The following ATP5F1C variants were observed in gnomAD, a reference collection of about 807,000 sequenced individuals.
ATP5F1C encodes ATP synthase F(1) complex subunit gamma, mitochondrial.
A neutral mutation model predicts 37.4 loss-of-function variants in ATP5F1C; 22 were observed. That is an observed-to-expected ratio of 0.59 (90% confidence interval 0.42 to 0.84). ATP5F1C has a LOEUF of 0.84. ATP5F1C is among the 40% of genes least tolerant of loss of function. The pLI is 0.00. For synonymous variants in ATP5F1C, 121 were observed against 128.0 expected, an observed-to-expected ratio of 0.95 and a Z score of 0.37; for missense variants, 286 against 362.4, an observed-to-expected ratio of 0.79 and a Z score of 1.71.
At chr10:7,804,070 C>T in intron 8 of ATP5F1C, 1 of 518,832 alleles carries the variant, frequency 1.9e-6, no homozygotes, top group South Asian at 1.4e-5. Context: ...AAGGCAGACA[C>T]TAAATAAGAA....
intron 4 of ATP5F1C, chr10:7,799,423 GATCATAAGTTGAATGCCATGTGAAT>G: frequency 1.8e-6 from 1 of 565,960 alleles, no homozygotes. Context: ...TCTTCATCCG[GATCATAAGTTGAATGCCATGTGAAT>G]ATCAAAAGCT....
chr10:7,807,000 TCAGACA>T lies in ATP5F1C; in HGVS notation c.*21_*26del. 1 of 1,611,930 alleles carries T rather than the reference TCAGACA, an allele frequency of 6.2e-7. No homozygotes were observed. Among genetic ancestry groups the T allele is most frequent in the Non-Finnish European group, 8.5e-7 (1 of 1,178,334 alleles). On this transcript the variant is annotated 3_prime_UTR_variant, in exon 9 of 10. Transcript: ENST00000356708. Reference sequence around the variant, plus strand: ...GATTAATGAAAATCAAGTTCCATCCTCAGACAAGAGGTAAAGTTCACACATTCTTCC... The same window carrying T: ...GATTAATGAAAATCAAGTTCCATCCTAGAGGTAAAGTTCACACATTCTTCC...
chr10:7,792,979 C>A (rs1836185433), intron 1 of ATP5F1C, among the ~76,000 whole-genome samples: 3 of 152,226 alleles, frequency 2.0e-5, no homozygotes, highest in African/African-American at 7.2e-5. Context: ...ACATCCTCAT[C>A]ATCATTTGCT....
Position 7,807,646 on chromosome 10 carries a change from C to G in ATP5F1C, c.*31-13C>G. 1 of 1,606,522 alleles carries G rather than the reference C, an allele frequency of 6.2e-7. No homozygotes were observed. Among genetic ancestry groups the G allele is most frequent in the Non-Finnish European group, 8.5e-7 (1 of 1,176,132 alleles). ...TGTTTGATTTCTTACTTGTTCTGTA[C>G]TTTGTTTTTCAGGTAAAGAAGGAAA... On this transcript the variant is annotated splice_polypyrimidine_tract_variant and intron_variant, in intron 9 of 9. Transcript: ENST00000356708.
intron 1 of ATP5F1C, among the ~76,000 whole-genome samples, chr10:7,790,296 T>C (rs1836142726): frequency 1.3e-5 from 2 of 152,362 alleles, no homozygotes; most frequent in East Asian, 1.9e-4. Flanking sequence ...GCTACCATGC[T>C]AACATAAAAA....
At chr10:7,793,301 C>T (rs1281158532) in intron 1 of ATP5F1C, among the ~76,000 whole-genome samples, 1 of 152,118 alleles carries the variant, frequency 6.6e-6, no homozygotes, top group African/African-American at 2.4e-5. Flanking sequence ...TTAGTAGAGA[C>T]GGGGTTTCAC....
intron 1 of ATP5F1C, among the ~76,000 whole-genome samples, chr10:7,789,393 A>G (rs1337183903): frequency 6.6e-6 from 1 of 152,236 alleles, no homozygotes; most frequent in South Asian, 2.1e-4. Context: ...ATGATATCTG[A>G]TGTGAATTAG....
Position 7,796,127 on chromosome 10 carries a change from A to C in ATP5F1C, c.63A>C (p.Gln21His). 2 of 1,591,808 alleles carry C rather than the reference A, an allele frequency of 1.3e-6. No individual in the cohort carries two copies. The highest frequency in any genetic ancestry group is 1.7e-6 in the Non-Finnish European group (2 of 1,172,920). ...SAWTLQPQWIQVRNMATLKDI... is the reference protein window; with the variant it reads ...SAWTLQPQWIHVRNMATLKDI... ...TTAAAACTTTTATCCTCAGGATTCA[A>C]GTTCGAAATATGGCAACTTTGAAAG... is the stretch of plus-strand genomic sequence containing the variant. The change falls in exon 2 of 10, where the codon CAA becomes CAC. Residue 21 changes from glutamine (Q) to histidine (H), a missense_variant. Physicochemically the swap from Gln to His is conservative, Grantham distance 24. Coordinates refer to ENST00000356708, the MANE Select transcript of ATP5F1C (RefSeq NM_001001973.3).
chr10:7,801,444 T>C (rs1836364813), intron 6 of ATP5F1C: 1 of 152,196 alleles, frequency 6.6e-6, no homozygotes, highest in African/African-American at 2.4e-5. Context: ...AAAACTACGA[T>C]TCATACCAAT....
At chr10:7,802,466 G>C in intron 7 of ATP5F1C, 41 bp downstream of exon 7, 1 of 1,576,718 alleles carries the variant, frequency 6.3e-7, no homozygotes. Context: ...GAGTGCTTGT[G>C]AGCACACAGT....
chr10:7,802,901 G>C (rs1231135940), intron 8 of ATP5F1C, 47 bp downstream of exon 8: 1 of 1,521,944 alleles, frequency 6.6e-7, no homozygotes, highest in Non-Finnish European at 9.0e-7. Flanking sequence ...TTTTCCTCTT[G>C]CTGTGTCTGC....
intron 6 of ATP5F1C, among the ~76,000 whole-genome samples, chr10:7,800,644 G>A (rs1157158460): frequency 2.0e-5 from 3 of 151,924 alleles, no homozygotes; most frequent in Admixed American, 6.6e-5. Flanking sequence ...ACAGGTGCAC[G>A]CCACCACGCC....
chr10:7,800,562 T>C (rs1467243503), intron 6 of ATP5F1C, among the ~76,000 whole-genome samples: 1 of 150,522 alleles, frequency 6.6e-6, no homozygotes, highest in Non-Finnish European at 1.5e-5. Flanking sequence ...TGGCATGATC[T>C]CGGCTCACTG....
At chr10:7,800,518 G>A (rs1278900515) in intron 6 of ATP5F1C, among the ~76,000 whole-genome samples, 11 of 134,126 alleles carry the variant, frequency 8.2e-5, no homozygotes, top group Admixed American at 4.1e-4. Flanking sequence ...TTTTTGAGAC[G>A]GAGTCTCACT....
intron 2 of ATP5F1C, chr10:7,796,466 A>G (rs958755157): frequency 1.4e-5 from 3 of 213,662 alleles, no homozygotes; most frequent in Non-Finnish European, 2.8e-5. Flanking sequence ...ATGTTATGGA[A>G]TATGTGGTTA....
intron 1 of ATP5F1C, 106 bp downstream of exon 1, chr10:7,788,369 G>T (rs1354191283): frequency 2.1e-6 from 3 of 1,452,498 alleles, no homozygotes; most frequent in African/African-American, 1.4e-5. Flanking sequence ...GGGTCGCAGG[G>T]CCTAGCTGGG....
rs901828952 is a variant in ATP5F1C at position 7,796,011 on chromosome 10, G to A, written c.57-110G>A. 11 of 796,832 alleles carry A rather than the reference G, an allele frequency of 1.4e-5. No individual in the cohort carries two copies. The African/African-American group carries it at 1.4e-4, about 10-fold the overall frequency. 49.4% of individuals were successfully genotyped at this position (796,832 alleles called of 1,614,324 possible). Reference sequence around the variant, plus strand: ...TTCTGAGTCCTGTATTTGATAGATTGTTTCTTTATGGGGTATTCTTTAAAT... The same window carrying A: ...TTCTGAGTCCTGTATTTGATAGATTATTTCTTTATGGGGTATTCTTTAAAT... On this transcript the variant is annotated intron_variant, in intron 1 of 9. Coordinates refer to ENST00000356708, the MANE Select transcript of ATP5F1C (RefSeq NM_001001973.3).
intron 9 of ATP5F1C, 127 bp downstream of exon 9, chr10:7,807,137 C>A: frequency 1.2e-6 from 1 of 834,354 alleles, no homozygotes. Context: ...TTCACAGTAG[C>A]AGCCAACTCA....
At chr10:7,796,357 G>A (rs536102920) in intron 2 of ATP5F1C, 1 of 433,702 alleles carries the variant, frequency 2.3e-6, no homozygotes, top group African/African-American at 2.1e-5. Context: ...ATGTTCTGTT[G>A]TTTGTAGAAT....
Sources: allele counts gnomAD v4.1 joint callset (sites outside exome capture counted in the v4.1 genomes callset), GRCh38; gene constraint gnomAD v4.1.1; transcripts MANE v1.5; gene names NCBI Gene and HGNC (gene_info 2026-07-23, HGNC 2026-07-21).